Variants in MATN4 observed in about 807,000 individuals in gnomAD.
MATN4 encodes the protein matrilin-4.
A neutral mutation model predicts 54.6 loss-of-function variants in MATN4; 40 were observed. The observed-to-expected ratio is 0.73, with a 90% CI of 0.57 to 0.95. MATN4 has a LOEUF of 0.95. Ranked by LOEUF, MATN4 falls within the 40% of genes least tolerant of loss-of-function variation. The probability of loss-of-function intolerance (pLI) is 0.00; values close to 1 mark genes in which losing one functional copy is unlikely to be tolerated. For synonymous variants in MATN4, 351 were observed against 345.3 expected (o/e 1.02, Z -0.18); for missense variants, 810 against 819.1 (o/e 0.99, Z 0.13).
At position 45,304,446 on chromosome 20, in the gene MATN4, G is replaced by A. The variant is rs1363721324; in HGVS notation, c.425C>T (p.Ala142Val). 1.3e-6 allele frequency: 2 copies of A among 1,554,254 alleles called. No homozygotes were observed. The highest frequency in any genetic ancestry group is 8.7e-7 in the Non-Finnish European group (1 of 1,144,084). The stretch of plus-strand genomic sequence containing the variant: ...GGGCCGCCCGTCTGTCACGATGACA[G>A]CGACACGCGGCACGCGCTCCTCTGG... ...RPPEERVPRV[A>V]VIVTDGRPQD... The change falls in exon 3 of 10, where the codon GCT becomes GTT. Residue 142 changes from alanine to valine, a missense_variant. Coordinates refer to ENST00000372756, the MANE Select transcript of MATN4 (RefSeq NM_001393530.1).
rs144643700 is a variant in MATN4, at chr20:45,298,048, G to A, written c.1449C>T (p.Gly483=). 9.9e-6 allele frequency: 16 copies of A among 1,613,442 alleles called. No individual in the cohort carries two copies. The highest frequency in any genetic ancestry group is 1.3e-5 in the Non-Finnish European group (15 of 1,179,856). ...GCTCCGCCTCCACCGCCTTGCCCAC[G>A]CCCACGGCGTACATGACGATGCCTG... The part of the protein sequence containing the change: ...KEEGIVMYAV[G]VGKAVEAELR... Residue 483 remains glycine, a synonymous_variant, in exon 8 of 10, where the codon GGC becomes GGT. Transcript: ENST00000372756. This position sits in a 1 kb window ranked among gnomAD's most constrained non-coding sequence, Gnocchi z 4.6.
chr20:45,294,221 TGAAA>T (rs1156308775), intron 8 of MATN4, among the ~76,000 whole-genome samples: 1 of 152,144 alleles, frequency 6.6e-6, no homozygotes, highest in Non-Finnish European at 1.5e-5. Flanking sequence ...ATGGATATAA[TGAAA>T]GAGTGTACGC....
intron 9 of MATN4, 30 bp downstream of exon 9, chr20:45,293,878 C>G (rs1985635523): frequency 2.5e-6 from 4 of 1,606,886 alleles, no homozygotes; most frequent in Middle Eastern, 1.7e-4. Context: ...CACTTTCCCT[C>G]CAGCCCGCGC....
At chr20:45,307,845 A>G (rs1473839734) in intron 1 of MATN4, among the ~76,000 whole-genome samples, 1 of 152,186 alleles carries the variant, frequency 6.6e-6, no homozygotes, top group African/African-American at 2.4e-5. Flanking sequence ...TAATCCTTGC[A>G]TTAAAAAAAG....
In MATN4 at chr20:45,305,566, C is replaced by T. The variant is rs760051860; in HGVS notation, c.17G>A (p.Cys6Tyr). MRGLL[C>Y]WPVLLLLLQP... is the part of the protein sequence containing the mutation. ...AAGAAGGAGCAGCAACACGGGCCAG[C>T]AAAGAAGGCCTCTCATGGCGCTTGG... Residue 6 changes from cysteine to tyrosine, a missense_variant, in exon 2 of 10, where the codon TGC (cysteine) becomes TAC (tyrosine). By Grantham distance (194) the Cys-to-Tyr change is radical. Transcript: ENST00000372756. 27 of 1,560,056 alleles carry T rather than the reference C, an allele frequency of 1.7e-5. No individual in the cohort carries two copies. The South Asian group carries it at 3.1e-4, about 18-fold the overall frequency.
upstream of MATN4, chr20:45,308,348 G>A (rs953334237): frequency 6.3e-6 from 5 of 792,144 alleles, no homozygotes; most frequent in Non-Finnish European, 8.5e-6. Context: ...TGGCGGGTGG[G>A]GAGGGGAAGT....
rs1985946883 is a variant in MATN4 at position 45,297,903 on chromosome 20, G to A, written c.1579+15C>T. 1 of 1,613,794 alleles carries A rather than the reference G, an allele frequency of 6.2e-7. No individual in the cohort carries two copies. The highest frequency in any genetic ancestry group is 1.3e-5 in the African/African-American group (1 of 74,920). On this transcript the variant is annotated intron_variant, in intron 8 of 9. Coordinates refer to ENST00000372756, the MANE Select transcript of MATN4 (RefSeq NM_001393530.1). ...CAATGAGAGAGAGGAGGAGCCCCGA[G>A]AGAGATGCGCTCACCTGGACAGATG...
chr20:45,308,378 A>G, upstream of MATN4: 1 of 645,808 alleles, frequency 1.5e-6, no homozygotes. Flanking sequence ...AACCCCTCCC[A>G]CTGGCAGGGA....
intron 1 of MATN4, among the ~76,000 whole-genome samples, chr20:45,306,412 T>A (rs932359213): frequency 6.6e-6 from 1 of 152,132 alleles, no homozygotes; most frequent in Non-Finnish European, 1.5e-5. Flanking sequence ...GTGCCTCTCC[T>A]CCTGCCAGGC....
chr20:45,306,703 G>A (rs1986712584), intron 1 of MATN4: 2 of 403,210 alleles, frequency 5.0e-6, no homozygotes, highest in South Asian at 2.8e-4. Context: ...GCCAGGGGGC[G>A]CCCGAGATGG....
At chr20:45,308,334 G>A, upstream of MATN4, 2 of 921,632 alleles carry the variant, frequency 2.2e-6, no homozygotes, top group Non-Finnish European at 1.8e-6. Context: ...ATTTAACCCA[G>A]GGCTGGCGGG....
rs1986551520 is a variant in MATN4 at position 45,305,500 on chromosome 20, C to G, written c.73+10G>C. On this transcript the variant is annotated intron_variant, in intron 2 of 9. Transcript: ENST00000372756. ...CTCCTCCCACTGGTGAGGGCTGGGCCCCAGTTCACCTGTCAACTGGAGCTG... is the reference window on the plus strand; with the variant it reads ...CTCCTCCCACTGGTGAGGGCTGGGCGCCAGTTCACCTGTCAACTGGAGCTG... The G allele has an allele frequency of 6.4e-7, 1 of 1,551,304 alleles. No individual in the cohort carries two copies. Among genetic ancestry groups the G allele is most frequent in the East Asian group, 2.4e-5 (1 of 40,898 alleles).
chr20:45,295,875 AT>A (rs1194147845), intron 8 of MATN4, among the ~76,000 whole-genome samples: 1 of 152,098 alleles, frequency 6.6e-6, no homozygotes, highest in Non-Finnish European at 1.5e-5. Context: ...CTTAAAATGA[AT>A]GGTATCTTAG....
chr20:45,306,881 C>T (rs994658365), intron 1 of MATN4: 2 of 1,254,864 alleles, frequency 1.6e-6, no homozygotes, highest in African/African-American at 1.5e-5. Flanking sequence ...TGGACTCGTC[C>T]AGAGGGCGGC....
chr20:45,307,608 C>T (rs1986843717), intron 1 of MATN4, among the ~76,000 whole-genome samples: 1 of 152,216 alleles, frequency 6.6e-6, no homozygotes, highest in South Asian at 2.1e-4. Flanking sequence ...GGTTAAGGTT[C>T]CCCTCATCCC....
intron 8 of MATN4, 40 bp downstream of exon 8, chr20:45,297,878 C>G (rs772510952): frequency 1.3e-4 from 213 of 1,610,556 alleles, no homozygotes; most frequent in Non-Finnish European, 1.7e-4. Context: ...AGAGGACGGG[C>G]AATGAGAGAG....
chr20:45,303,653 G>T, intron 3 of MATN4: 1 of 594,502 alleles, frequency 1.7e-6, no homozygotes. Flanking sequence ...GAGAAGGGCC[G>T]TACCAAGTGA....
intron 3 of MATN4, among the ~76,000 whole-genome samples, chr20:45,302,665 G>A (rs6104105): frequency 6.6e-6 from 1 of 152,170 alleles, no homozygotes. Context: ...GGGCAGCTCA[G>A]GTGAGCAGCA....
intron 6 of MATN4, 38 bp downstream of exon 6, chr20:45,300,849 G>T (rs1157289001): frequency 6.2e-7 from 1 of 1,608,162 alleles, no homozygotes; most frequent in African/African-American, 1.3e-5. Context: ...GGGCAATGGG[G>T]CAGAAGCCAA....
Sources: allele counts gnomAD v4.1 joint callset (sites outside exome capture counted in the v4.1 genomes callset), GRCh38; gene constraint gnomAD v4.1.1; non-coding constraint Gnocchi (gnomAD v3.1); transcripts MANE v1.5; gene names NCBI Gene and HGNC (gene_info 2026-07-23, HGNC 2026-07-21).